Variants in FREM2 observed in about 807,000 individuals in gnomAD.
FREM2 encodes FRAS1-related extracellular matrix protein 2.
Under a neutral mutation model 219.9 loss-of-function variants are expected in FREM2, and 119 were observed. That is an observed-to-expected ratio of 0.54 (90% CI 0.47 to 0.63). The LOEUF (loss-of-function observed/expected upper bound fraction) is 0.63. Ranked by LOEUF, FREM2 falls within the 30% of genes least tolerant of loss-of-function variation. The pLI is 0.00. For missense variants in FREM2, 4,030 were observed against 3,993.6 expected (o/e 1.01, Z -0.25); for synonymous variants, 1,562 against 1,522.8 (o/e 1.03, Z -0.60).
intron 6 of FREM2, among the ~76,000 whole-genome samples, chr13:38,840,246 C>T (rs1389089014): frequency 3.9e-5 from 6 of 152,044 alleles, no homozygotes; most frequent in East Asian, 3.9e-4. Flanking sequence ...GGTGAGGCAA[C>T]GCCCCACCCT....
At chr13:38,816,255 C>A (rs1481790889) in intron 6 of FREM2, among the ~76,000 whole-genome samples, 1 of 152,036 alleles carries the variant, frequency 6.6e-6, no homozygotes, top group Non-Finnish European at 1.5e-5. Flanking sequence ...ACCCTGATTT[C>A]AAAATCAAAC....
intron 6 of FREM2, among the ~76,000 whole-genome samples, chr13:38,840,729 TATAC>T (rs1876928140): frequency 6.8e-6 from 1 of 146,770 alleles, no homozygotes; most frequent in East Asian, 1.9e-4. Context: ...GATATATATA[TATAC>T]ACACACACAC....
At chr13:38,711,376 A>G (rs904544619) in intron 2 of FREM2, among the ~76,000 whole-genome samples, 3 of 152,158 alleles carry the variant, frequency 2.0e-5, no homozygotes, top group African/African-American at 7.2e-5. Flanking sequence ...TTTATACTAG[A>G]TTAAAAAAAT....
Position 38,850,026 on chromosome 13 carries a change from T to C in FREM2, c.6380-12T>C. 3 of 1,611,014 alleles carry C rather than the reference T, an allele frequency of 1.9e-6. No individual in the cohort carries two copies. In the Admixed American group the frequency reaches 5.0e-5, roughly 27 times the overall value. On this transcript the variant is annotated splice_polypyrimidine_tract_variant and intron_variant, in intron 8 of 23. Transcript: ENST00000280481. ...GGAAATTTCTGTTCACTTTAATCCT[T>C]TGTTTTTGCAGTGCCTAAGATGCAA...
intron 6 of FREM2, among the ~76,000 whole-genome samples, chr13:38,817,628 CA>C (rs1260208719): frequency 6.6e-6 from 1 of 151,916 alleles, no homozygotes; most frequent in African/African-American, 2.4e-5. Flanking sequence ...AGGAGAAACA[CA>C]TCAGAGCATT....
At chr13:38,804,345 A>T (rs1482425186) in intron 6 of FREM2, among the ~76,000 whole-genome samples, 1 of 151,300 alleles carries the variant, frequency 6.6e-6, no homozygotes, top group East Asian at 1.9e-4. Flanking sequence ...TACTAGATAG[A>T]AAAATGTAGA....
chr13:38,764,277 T>A (rs1202465808), intron 2 of FREM2, 27 bp from the exon 3 acceptor site: 1 of 1,580,990 alleles, frequency 6.3e-7, no homozygotes, highest in Non-Finnish European at 8.7e-7. Context: ...AAGCACTAAT[T>A]TATGGCTTTA....
rs373363467 is a variant in FREM2 at position 38,775,239 on chromosome 13, G to C, written c.5641+5431G>C. On this transcript the variant is annotated intron_variant, in intron 4 of 23. Transcript: ENST00000280481. ...TGAAATTCTACACGTTGTCAGTGTTGACATAAGGAGGTCACTGGCTAGCTG... is the reference window on the plus strand; with the variant it reads ...TGAAATTCTACACGTTGTCAGTGTTCACATAAGGAGGTCACTGGCTAGCTG... 1.4e-4 allele frequency among the ~76,000 whole-genome samples: 21 copies of C among 152,292 alleles called. No individual in the cohort carries two copies. The South Asian group carries it at 1.5e-3, about 11-fold the overall frequency.
At chr13:38,840,767 T>C (rs961950055) in intron 6 of FREM2, among the ~76,000 whole-genome samples, 4 of 151,854 alleles carry the variant, frequency 2.6e-5, no homozygotes, top group Non-Finnish European at 5.9e-5. Flanking sequence ...CTTTATAGTC[T>C]GGTAGTCCAT....
chr13:38,846,332 T>A (rs1877151618), intron 6 of FREM2, among the ~76,000 whole-genome samples: 1 of 152,212 alleles, frequency 6.6e-6, no homozygotes. Context: ...ACAAACAAAC[T>A]TATGCCTCAA....
chr13:38,740,877 G>A (rs1272560629), intron 2 of FREM2, among the ~76,000 whole-genome samples: 1 of 152,148 alleles, frequency 6.6e-6, no homozygotes, highest in African/African-American at 2.4e-5. Context: ...CACTACTCTT[G>A]ACTCCTTTTC....
chr13:38,806,553 T>TA (rs1283584760), intron 6 of FREM2, among the ~76,000 whole-genome samples: 5 of 151,994 alleles, frequency 3.3e-5, no homozygotes, highest in African/African-American at 1.2e-4. Context: ...TAGTATTGTG[T>TA]CTAAAAATGT....
intron 17 of FREM2, among the ~76,000 whole-genome samples, chr13:38,874,224 A>T (rs1013716850): frequency 1.3e-5 from 2 of 152,216 alleles, no homozygotes; most frequent in East Asian, 1.9e-4. Context: ...TTTTAAAAAA[A>T]CTTGGTCTAT....
chr13:38,755,658 C>T (rs1406985721), intron 2 of FREM2, among the ~76,000 whole-genome samples: 3 of 152,174 alleles, frequency 2.0e-5, no homozygotes, highest in Non-Finnish European at 4.4e-5. Context: ...CAAGTTCTCT[C>T]TCCACAGGCT....
At chr13:38,754,783 T>C (rs1408237730) in intron 2 of FREM2, among the ~76,000 whole-genome samples, 1 of 152,028 alleles carries the variant, frequency 6.6e-6, no homozygotes, top group East Asian at 1.9e-4. Context: ...TGGTTTCTCT[T>C]TTTTGTGTTT....
chr13:38,827,385 A>T (rs887180347), intron 6 of FREM2: 2 of 152,122 alleles, frequency 1.3e-5, no homozygotes, highest in Non-Finnish European at 2.9e-5. Context: ...ATTAACTATG[A>T]TGTTAAGTGG....
intron 2 of FREM2, among the ~76,000 whole-genome samples, chr13:38,731,198 G>A (rs1383520476): frequency 6.6e-6 from 1 of 152,136 alleles, no homozygotes. Context: ...AATGTAGCCT[G>A]TGAGGAAATA....
chr13:38,765,530 C>A (rs1873401127), intron 3 of FREM2, among the ~76,000 whole-genome samples: 1 of 152,022 alleles, frequency 6.6e-6, no homozygotes, highest in Admixed American at 6.6e-5. Flanking sequence ...CCATGAACTT[C>A]CAGATCCTCA....
chr13:38,879,421 A>G (rs1235733690), intron 23 of FREM2, among the ~76,000 whole-genome samples: 2 of 152,170 alleles, frequency 1.3e-5, no homozygotes, highest in Admixed American at 6.5e-5. Flanking sequence ...AATTGTGCAC[A>G]GCTCCACTCT....
Sources: allele counts gnomAD v4.1 joint callset (sites outside exome capture counted in the v4.1 genomes callset), GRCh38; gene constraint gnomAD v4.1.1; transcripts MANE v1.5; gene names NCBI Gene and HGNC (gene_info 2026-07-23, HGNC 2026-07-21).